EXOC6B: variants seen among roughly 807,000 people sequenced by gnomAD.
EXOC6B encodes the protein SEC15 homolog B.
A neutral mutation model predicts 113.5 loss-of-function variants in EXOC6B; 54 were observed. That is an observed-to-expected ratio of 0.48 (90% CI 0.38 to 0.60). The LOEUF (loss-of-function observed/expected upper bound fraction) is 0.60. EXOC6B is among the 20% of genes least tolerant of loss of function. EXOC6B has a pLI of 0.00. For synonymous variants in EXOC6B, 357 were observed against 339.0 expected (o/e 1.05, Z -0.58); for missense variants, 797 against 977.5 (o/e 0.82, Z 2.46).
At chr2:72,532,334 AACAAT>A (rs1445569666) in intron 8 of EXOC6B, among the ~76,000 whole-genome samples, 1 of 152,178 alleles carries the variant, frequency 6.6e-6, no homozygotes, top group Non-Finnish European at 1.5e-5. Context: ...AGCAAAAGAA[AACAAT>A]ACAATACCCA....
chr2:72,744,522 G>C (rs905783029), intron 1 of EXOC6B, among the ~76,000 whole-genome samples: 1 of 152,088 alleles, frequency 6.6e-6, no homozygotes. Flanking sequence ...TCAAAGGAAA[G>C]GAAAAGAAAG....
chr2:72,558,491 C>A (rs1703697691), intron 8 of EXOC6B, among the ~76,000 whole-genome samples: 2 of 152,150 alleles, frequency 1.3e-5, no homozygotes, highest in African/African-American at 4.8e-5. Flanking sequence ...CAAAGAGAGA[C>A]CAGGCACGGT....
At chr2:72,348,771 A>C (rs534631145) in intron 19 of EXOC6B, among the ~76,000 whole-genome samples, 8 of 152,316 alleles carry the variant, frequency 5.3e-5, no homozygotes, top group Middle Eastern at 3.4e-3. Flanking sequence ...GTTAACAAGA[A>C]AAATATTAGG....
intron 20 of EXOC6B, among the ~76,000 whole-genome samples, chr2:72,295,602 T>C (rs1686084404): frequency 6.6e-6 from 1 of 152,178 alleles, no homozygotes; most frequent in African/African-American, 2.4e-5. Context: ...CTGTTGTCTA[T>C]GGTCAAGGAA....
intron 20 of EXOC6B, among the ~76,000 whole-genome samples, chr2:72,225,930 T>G (rs1681209108): frequency 6.6e-6 from 1 of 152,154 alleles, no homozygotes; most frequent in Non-Finnish European, 1.5e-5. Context: ...TCAAAAGACA[T>G]GCACATCAAA....
intron 18 of EXOC6B, among the ~76,000 whole-genome samples, chr2:72,381,946 T>C (rs1691699286): frequency 6.6e-6 from 1 of 152,202 alleles, no homozygotes; most frequent in South Asian, 2.1e-4. Context: ...ATTTGTAGCA[T>C]AAAAAATAAT....
intron 20 of EXOC6B, among the ~76,000 whole-genome samples, chr2:72,321,598 C>G (rs1386385060): frequency 6.6e-6 from 1 of 150,626 alleles, no homozygotes; most frequent in Non-Finnish European, 1.5e-5. Context: ...CTCAAAAGCA[C>G]CATGCTAAGT....
At chr2:72,599,205 T>C (rs1462673277) in intron 6 of EXOC6B, among the ~76,000 whole-genome samples, 1 of 152,002 alleles carries the variant, frequency 6.6e-6, no homozygotes, top group Non-Finnish European at 1.5e-5. Context: ...GAATTAAACA[T>C]CACAACAAGT....
chr2:72,189,081 G>C (rs1678638419), intron 20 of EXOC6B, among the ~76,000 whole-genome samples: 1 of 152,102 alleles, frequency 6.6e-6, no homozygotes, highest in Non-Finnish European at 1.5e-5. Context: ...ATGTTGATAT[G>C]ATCCATATTC....
At chr2:72,221,435 A>G (rs146728645) in intron 20 of EXOC6B, among the ~76,000 whole-genome samples, 3 of 152,190 alleles carry the variant, frequency 2.0e-5, no homozygotes, top group African/African-American at 7.2e-5. Flanking sequence ...TCTCACCTCA[A>G]TCAGGCCTAC....
intron 6 of EXOC6B, among the ~76,000 whole-genome samples, chr2:72,716,080 G>A (rs556760768): frequency 1.5e-4 from 23 of 152,194 alleles, no homozygotes; most frequent in Admixed American, 6.5e-4. Flanking sequence ...TTACAGCTAG[G>A]TATGGCTATA....
intron 18 of EXOC6B, among the ~76,000 whole-genome samples, chr2:72,441,327 T>TA (rs1696186744): frequency 6.6e-6 from 1 of 151,244 alleles, no homozygotes; most frequent in Admixed American, 6.6e-5. Context: ...ACATCACAAC[T>TA]AAAAGAACTA....
At chr2:72,328,854 T>C (rs576050865) in intron 20 of EXOC6B, among the ~76,000 whole-genome samples, 3 of 152,240 alleles carry the variant, frequency 2.0e-5, no homozygotes, top group African/African-American at 7.2e-5. Flanking sequence ...ATAATGTACT[T>C]TATGGCTTAA....
intron 18 of EXOC6B, among the ~76,000 whole-genome samples, chr2:72,393,011 A>C (rs548529878): frequency 3.3e-5 from 5 of 152,160 alleles, no homozygotes; most frequent in African/African-American, 1.2e-4. Flanking sequence ...TGCCCTATGC[A>C]CCTGCAGCTT....
intron 18 of EXOC6B, among the ~76,000 whole-genome samples, chr2:72,394,066 A>G (rs1007127381): frequency 6.6e-6 from 1 of 152,202 alleles, no homozygotes; most frequent in African/African-American, 2.4e-5. Context: ...GCTAAATAAA[A>G]ATAAATCTTA....
intron 20 of EXOC6B, among the ~76,000 whole-genome samples, chr2:72,252,344 C>G (rs1157821714): frequency 1.3e-5 from 2 of 152,122 alleles, no homozygotes; most frequent in African/African-American, 2.4e-5. Flanking sequence ...CTACTGTCTA[C>G]TATTATCATA....
intron 19 of EXOC6B, among the ~76,000 whole-genome samples, chr2:72,349,248 T>TGG (rs1423267528): frequency 2.6e-5 from 4 of 152,240 alleles, no homozygotes; most frequent in Non-Finnish European, 5.9e-5. Context: ...TCTTTGTCCC[T>TGG]GGCTCCTGGC....
intron 20 of EXOC6B, among the ~76,000 whole-genome samples, chr2:72,199,328 G>C (rs1679353822): frequency 6.6e-6 from 1 of 152,184 alleles, no homozygotes; most frequent in Non-Finnish European, 1.5e-5. Flanking sequence ...AGGCCCAGTA[G>C]GTAAGTGCTT....
At chr2:72,810,322 G>A (rs1020518558) in intron 1 of EXOC6B, among the ~76,000 whole-genome samples, 4 of 148,184 alleles carry the variant, frequency 2.7e-5, no homozygotes, top group Admixed American at 1.4e-4. Context: ...GTGAGAAAGC[G>A]AGACCTTGTC....
Sources: allele counts gnomAD v4.1 joint callset (sites outside exome capture counted in the v4.1 genomes callset), GRCh38; gene constraint gnomAD v4.1.1; transcripts MANE v1.5; gene names NCBI Gene and HGNC (gene_info 2026-07-23, HGNC 2026-07-21).